The following FAT3 variants were observed in gnomAD, a reference collection of about 807,000 sequenced individuals.
The protein encoded by FAT3 is protocadherin Fat 3.
Under a neutral mutation model 310.2 loss-of-function variants are expected in FAT3, and 95 were observed. That is an observed-to-expected ratio of 0.31 (90% CI 0.26 to 0.36). The LOEUF is 0.36. FAT3 is among the 10% of genes least tolerant of loss of function. The pLI, the probability that FAT3 is intolerant of heterozygous loss-of-function variation, is 1.00. For synonymous variants in FAT3, 2,314 were observed against 2,192.9 expected, an observed-to-expected ratio of 1.06 and a Z score of -1.54; for missense variants, 5,408 against 5,715.6, an observed-to-expected ratio of 0.95 and a Z score of 1.74.
chr11:92,362,720 T>A (rs1213858301), intron 2 of FAT3, among the ~76,000 whole-genome samples: 2 of 152,234 alleles, frequency 1.3e-5, no homozygotes, highest in African/African-American at 4.8e-5. Context: ...GAGTGTGCCA[T>A]CTGTTTTCTG....
chr11:92,859,382 G>A, intron 21 of FAT3, 60 bp downstream of exon 21: 7 of 1,405,514 alleles, frequency 5.0e-6, no homozygotes, highest in Non-Finnish European at 6.6e-6. Flanking sequence ...TTTGGCTCTT[G>A]GATTGGGGAA....
intron 1 of FAT3, among the ~76,000 whole-genome samples, chr11:92,317,272 G>C (rs1308055880): frequency 6.6e-6 from 1 of 152,110 alleles, no homozygotes; most frequent in African/African-American, 2.4e-5. Context: ...TTTGTTCTAA[G>C]GAATATTTAG....
intron 3 of FAT3, among the ~76,000 whole-genome samples, chr11:92,650,466 T>G (rs373229451): frequency 6.6e-6 from 1 of 152,212 alleles, no homozygotes; most frequent in East Asian, 1.9e-4. Context: ...CTATTATTTT[T>G]CAAGTACACA....
intron 2 of FAT3, among the ~76,000 whole-genome samples, chr11:92,445,520 G>C (rs1163064601): frequency 1.3e-5 from 2 of 152,272 alleles, no homozygotes; most frequent in East Asian, 3.9e-4. Context: ...TCAGAGAACA[G>C]AGGGAGCCAA....
chr11:92,715,399 C>T (rs1006697830), intron 4 of FAT3, among the ~76,000 whole-genome samples: 1 of 151,472 alleles, frequency 6.6e-6, no homozygotes, highest in Non-Finnish European at 1.5e-5. Flanking sequence ...CAGTGCAAGA[C>T]TCTGTCTCAA....
chr11:92,432,795 G>T (rs925237071), intron 2 of FAT3, among the ~76,000 whole-genome samples: 3 of 152,110 alleles, frequency 2.0e-5, no homozygotes, highest in Non-Finnish European at 4.4e-5. Context: ...TTCAGAGCCG[G>T]TAGGGAGGAA....
At chr11:92,602,224 C>T (rs2135591556) in intron 3 of FAT3, among the ~76,000 whole-genome samples, 1 of 152,158 alleles carries the variant, frequency 6.6e-6, no homozygotes, top group Admixed American at 6.5e-5. Context: ...CAGGTGTCTG[C>T]CACCACGCCC....
chr11:92,411,120 AT>A (rs1240238898), intron 2 of FAT3, among the ~76,000 whole-genome samples: 24 of 128,388 alleles, frequency 1.9e-4, no homozygotes, highest in African/African-American at 2.5e-4. Context: ...AAATATATAT[AT>A]TTATATATTA....
chr11:92,795,197 G>T (rs552516411), intron 9 of FAT3, among the ~76,000 whole-genome samples: 3 of 152,078 alleles, frequency 2.0e-5, no homozygotes, highest in Non-Finnish European at 4.4e-5. Flanking sequence ...GTACAAGAGA[G>T]ACTGGGACTG....
intron 3 of FAT3, among the ~76,000 whole-genome samples, chr11:92,596,529 C>T (rs1477741100): frequency 6.6e-6 from 1 of 152,148 alleles, no homozygotes; most frequent in East Asian, 1.9e-4. Context: ...AGAACTATCT[C>T]TCTGTTGACC....
chr11:92,507,346 A>G (rs936340114), intron 2 of FAT3, among the ~76,000 whole-genome samples: 2 of 152,028 alleles, frequency 1.3e-5, no homozygotes, highest in African/African-American at 2.4e-5. Context: ...TCTTTGTGCT[A>G]TTGTAGTTGC....
At chr11:92,705,798 T>TG (rs1944315138) in intron 4 of FAT3, among the ~76,000 whole-genome samples, 1 of 2,200 alleles carries the variant, frequency 4.5e-4, no homozygotes, top group Non-Finnish European at 9.9e-4. Flanking sequence ...GGTGTGATGG[T>TG]GTTGGTGTTG....
intron 1 of FAT3, among the ~76,000 whole-genome samples, chr11:92,272,360 C>T (rs766815977): frequency 2.6e-5 from 4 of 152,100 alleles, no homozygotes; most frequent in South Asian, 2.1e-4. Flanking sequence ...TTTGCATTCT[C>T]ATGACAGAAT....
At chr11:92,457,002 C>T (rs1258350640) in intron 2 of FAT3, among the ~76,000 whole-genome samples, 1 of 152,118 alleles carries the variant, frequency 6.6e-6, no homozygotes, top group African/African-American at 2.4e-5. Flanking sequence ...GGAGAGGACA[C>T]AGGCAAGGCA....
chr11:92,458,224 C>T (rs1004110648), intron 2 of FAT3, among the ~76,000 whole-genome samples: 1 of 152,024 alleles, frequency 6.6e-6, no homozygotes, highest in East Asian at 1.9e-4. Flanking sequence ...GTATTTTTGC[C>T]CTGGAGACTT....
chr11:92,697,541 G>C, intron 4 of FAT3, 96 bp downstream of exon 4: 1 of 1,162,684 alleles, frequency 8.6e-7, no homozygotes, highest in Admixed American at 1.8e-5. Flanking sequence ...TATTTGAACA[G>C]TGGATATCAA....
At chr11:92,430,937 T>C (rs1950754753) in intron 2 of FAT3, among the ~76,000 whole-genome samples, 1 of 152,182 alleles carries the variant, frequency 6.6e-6, no homozygotes, top group East Asian at 1.9e-4. Context: ...TGGTTCCAAG[T>C]CTTTGCTTTT....
Position 92,883,510 on chromosome 11 carries a change from A to G in FAT3, c.12937+117A>G. 2 of 1,312,554 alleles carry G rather than the reference A, an allele frequency of 1.5e-6. No individual in the cohort carries two copies. Among genetic ancestry groups the G allele is most frequent in the Non-Finnish European group, 1.0e-6 (1 of 972,576 alleles). 81.3% of individuals were successfully genotyped at this position (1,312,554 alleles called of 1,614,324 possible). A position where few individuals can be genotyped will look rare whatever the true frequency, so the allele number is the denominator to read the frequency against. On this transcript the variant is annotated intron_variant, in intron 24 of 27. Coordinates refer to ENST00000525166, the MANE Select transcript of FAT3 (RefSeq NM_001367949.2). The surrounding 1 kb of genome is among the most constrained non-coding windows in gnomAD (Gnocchi z 4.2). The stretch of plus-strand genomic sequence containing the variant: ...CCGCATGCAGAGCATTCGCTATGAC[A>G]TGTGCTGATGTCGAATGTGCACACC...
chr11:92,793,320 C>G (rs140985577), intron 9 of FAT3, among the ~76,000 whole-genome samples: 25 of 152,230 alleles, frequency 1.6e-4, no homozygotes, highest in African/African-American at 5.8e-4. Flanking sequence ...AGCCGCCCGC[C>G]GATCATCTGA....
Sources: allele counts gnomAD v4.1 joint callset (sites outside exome capture counted in the v4.1 genomes callset), GRCh38; gene constraint gnomAD v4.1.1; non-coding constraint Gnocchi (gnomAD v3.1); transcripts MANE v1.5; gene names NCBI Gene and HGNC (gene_info 2026-07-23, HGNC 2026-07-21).